VWA7: variants seen among roughly 807,000 people sequenced by gnomAD.
VWA7 encodes the protein von Willebrand factor A domain containing 7, also known as von Willebrand factor A domain-containing protein 7.
In VWA7, 66 loss-of-function variants were observed where a neutral mutation model predicts 83.1. The ratio of observed to expected loss-of-function variants is 0.79; its 90% CI spans 0.65 to 0.98. The LOEUF (loss-of-function observed/expected upper bound fraction) is 0.98, where lower values mean the gene tolerates loss of function less well. Ranked by LOEUF, VWA7 falls within the 50% of genes least tolerant of loss-of-function variation. VWA7 has a pLI of 0.00. For synonymous variants in VWA7, 424 were observed against 488.5 expected (o/e 0.87, Z 1.74); for missense variants, 1,080 against 1,160.2 (o/e 0.93, Z 1.00).
At chr6:31,774,678 T>C (rs780458327) in intron 4 of VWA7, 52 bp from the exon 5 acceptor site, 1 of 1,490,510 alleles carries the variant, frequency 6.7e-7, no homozygotes, top group South Asian at 1.2e-5. Context: ...CCCCAGCCTT[T>C]ATCCCCACCC....
rs1812445405 is a variant in VWA7, at chr6:31,773,931, G to T, written c.722-494C>A. ...GCATTTTGGGAGGCTGAGGTGGGTG[G>T]ATCACCTGAAGTCAGGAGTTTGAGA... On this transcript the variant is annotated intron_variant, in intron 5 of 16. Transcript: ENST00000375688. This position sits in a 1 kb window ranked among gnomAD's most constrained non-coding sequence, Gnocchi z 5.3. Among the ~76,000 whole-genome samples the T allele has an allele frequency of 6.6e-6, 1 of 151,972 alleles. No homozygotes were observed. Among genetic ancestry groups the T allele is most frequent in the South Asian group, 2.1e-4 (1 of 4,824 alleles).
Position 31,776,260 on chromosome 6 carries a change from C to A in VWA7, c.235-18G>T, listed in dbSNP as rs750587211. 6 of 1,603,770 alleles carry A rather than the reference C, an allele frequency of 3.7e-6. No homozygotes were observed. In the South Asian group the frequency reaches 5.5e-5, roughly 15 times the overall value. On this transcript the variant is annotated intron_variant, in intron 2 of 16. Transcript: ENST00000375688. This position sits in a 1 kb window ranked among gnomAD's most constrained non-coding sequence, Gnocchi z 6.2. ...GTTCGACCCTGGGGAGAATAGCGGG[C>A]GACGGGGCTCCAGGGAGGCCCTTTG... is the stretch of plus-strand genomic sequence containing the variant.
Position 31,773,542 on chromosome 6 carries a change from G to A in VWA7, c.722-105C>T. ...GCCTGACCCTCTCACCCCTCAGCAAGGGTTCAGCAAGAAATGATGACGGGG... is the reference window on the plus strand; with the variant it reads ...GCCTGACCCTCTCACCCCTCAGCAAAGGTTCAGCAAGAAATGATGACGGGG... On this transcript the variant is annotated intron_variant, in intron 5 of 16. Transcript: ENST00000375688. The surrounding 1 kb of genome is among the most constrained non-coding windows in gnomAD (Gnocchi z 5.3). 4.2e-6 allele frequency: 5 copies of A among 1,181,932 alleles called. No homozygotes were observed. Among genetic ancestry groups the A allele is most frequent in the Non-Finnish European group, 5.8e-6 (5 of 864,410 alleles). The allele number at this position is 1,181,932 out of a possible 1,614,324, so 73.2% of individuals were successfully genotyped here.
chr6:31,773,193 C>T lies in VWA7; in HGVS notation c.917+49G>A, dbSNP rs955449387. The T allele has an allele frequency of 5.0e-6, 8 of 1,588,766 alleles. No homozygotes were observed. Among genetic ancestry groups the T allele is most frequent in the South Asian group, 4.6e-5 (4 of 87,812 alleles). ...CCCCAGCGCCTGGTTTCTCCCTTCC[C>T]GCAGGAGCGCCTCCCCATGAAGGGG... On this transcript the variant is annotated intron_variant, in intron 6 of 16. Coordinates refer to ENST00000375688, the MANE Select transcript of VWA7 (RefSeq NM_025258.3). This position sits in a 1 kb window ranked among gnomAD's most constrained non-coding sequence, Gnocchi z 5.3.
Position 31,775,959 on chromosome 6 carries a change from C to T in VWA7, c.513+5G>A, listed in dbSNP as rs199885626. The stretch of plus-strand genomic sequence containing the variant: ...CTCTGACCATCAACCCAACCCTGTT[C>T]TCACCTGCAGGGCATGAAGTGCAGC... On this transcript the variant is annotated splice_donor_5th_base_variant and intron_variant, in intron 3 of 16. Coordinates refer to ENST00000375688, the MANE Select transcript of VWA7 (RefSeq NM_025258.3). This position sits in a 1 kb window ranked among gnomAD's most constrained non-coding sequence, Gnocchi z 5.9. The T allele has an allele frequency of 6.2e-7, 1 of 1,605,630 alleles. No homozygotes were observed. The highest frequency in any genetic ancestry group is 2.2e-5 in the East Asian group (1 of 44,772).
Position 31,769,588 on chromosome 6 carries a change from G to C in VWA7, c.1317+87C>G. On this transcript the variant is annotated intron_variant, in intron 9 of 16. Coordinates refer to ENST00000375688, the MANE Select transcript of VWA7 (RefSeq NM_025258.3). This position sits in a 1 kb window ranked among gnomAD's most constrained non-coding sequence, Gnocchi z 4.5. Reference sequence around the variant, plus strand: ...AAGGCTTGTTGGGCCACCATAGTGTGGTGCAACCCTCGTTATGAGATTGTC... The same window carrying C: ...AAGGCTTGTTGGGCCACCATAGTGTCGTGCAACCCTCGTTATGAGATTGTC... 8.0e-7 allele frequency: 1 copy of C among 1,252,498 alleles called. No homozygotes were observed. The allele number at this position is 1,252,498 out of a possible 1,614,324, so 77.6% of individuals were successfully genotyped here.
At position 31,773,076 on chromosome 6, in the gene VWA7, G is replaced by T; in HGVS notation, c.965C>A (p.Thr322Asn). 1 of 1,612,368 alleles carries T rather than the reference G, an allele frequency of 6.2e-7. No individual in the cohort carries two copies. The highest frequency in any genetic ancestry group is 8.5e-7 in the Non-Finnish European group (1 of 1,179,774). ...GATCTCCTCACCCATGCTGCCCGTG[G>T]TGTCCAGGACAAAGCTCAGGCTGGA... ...PASSLSFVLD[T>N]TGSMGEEINA... The change falls in exon 7 of 17, where the codon ACC (threonine) becomes AAC (asparagine). Residue 322 changes from threonine to asparagine, a missense_variant. By Grantham distance (65) the Thr-to-Asn change is moderately conservative. Transcript: ENST00000375688. This position sits in a 1 kb window ranked among gnomAD's most constrained non-coding sequence, Gnocchi z 5.3.
At position 31,766,519 on chromosome 6, in the gene VWA7, G is replaced by T; in HGVS notation, c.2128C>A (p.Arg710=). Reference sequence around the variant, plus strand: ...TGAGGGGCAGCCCTGTGCAGGCGCCGCCCCGCTGCGTCCTGGCCAATCAGC... The same window carrying T: ...TGAGGGGCAGCCCTGTGCAGGCGCCTCCCCGCTGCGTCCTGGCCAATCAGC... ...LELIGQDAAG[R]RLHRAAPQPS... The change falls in exon 14 of 17, where the codon CGG becomes AGG. Residue 710 remains arginine (R), a synonymous_variant. Coordinates refer to ENST00000375688, the MANE Select transcript of VWA7 (RefSeq NM_025258.3). This position sits in a 1 kb window ranked among gnomAD's most constrained non-coding sequence, Gnocchi z 4.9. 1 of 1,608,388 alleles carries T rather than the reference G, an allele frequency of 6.2e-7. No individual in the cohort carries two copies.
chr6:31,767,797 G>T, intron 10 of VWA7, 43 bp from the exon 11 acceptor site: 2 of 1,578,938 alleles, frequency 1.3e-6, no homozygotes, highest in South Asian at 2.2e-5. Flanking sequence ...AGAAGATGAG[G>T]TATGGGATGA....
chr6:31,776,885 C>G lies in VWA7; in HGVS notation c.-15-91G>C, dbSNP rs1388773421. The G allele has an allele frequency of 1.4e-6, 1 of 720,928 alleles. No individual in the cohort carries two copies. Among genetic ancestry groups the G allele is most frequent in the Non-Finnish European group, 2.1e-6 (1 of 480,016 alleles). The allele number at this position is 720,928 out of a possible 1,614,324, so 44.7% of individuals were successfully genotyped here. A position where few individuals can be genotyped will look rare whatever the true frequency, so the allele number is the denominator to read the frequency against. ...GGGTCTCCATGGGAACCTGCTTTAC[C>G]TCAAAAGTCGTGTCTGCTCCAGCCT... is the stretch of plus-strand genomic sequence containing the variant. On this transcript the variant is annotated intron_variant, in intron 1 of 16. Transcript: ENST00000375688. The surrounding 1 kb of genome is among the most constrained non-coding windows in gnomAD (Gnocchi z 6.2).
At chr6:31,767,130 TGGGTGG>T in intron 13 of VWA7, 22 bp downstream of exon 13, 1 of 886,132 alleles carries the variant, frequency 1.1e-6, no homozygotes, top group Non-Finnish European at 1.6e-6. Flanking sequence ...GGGGGTTAGG[TGGGTGG>T]GGGCTCAGGG....
chr6:31,776,702 T>A lies in VWA7; in HGVS notation c.78A>T (p.Thr26=). ...TCCAGATGTTGGGGAAGAAGGCAGA[T>A]GTGGGGGGCAGCAACAGCTGCAGCA... ...LLLLQLLLPP[T]SAFFPNIWSL... Residue 26 remains threonine (T), a synonymous_variant, in exon 2 of 17, where the codon ACA becomes ACT. Transcript: ENST00000375688. The surrounding 1 kb of genome is among the most constrained non-coding windows in gnomAD (Gnocchi z 6.2). 3 of 1,503,490 alleles carry A rather than the reference T, an allele frequency of 2.0e-6. No individual in the cohort carries two copies. The highest frequency in any genetic ancestry group is 1.8e-6 in the Non-Finnish European group (2 of 1,121,648). 93.1% of individuals were successfully genotyped at this position (1,503,490 alleles called of 1,614,324 possible). A position where few individuals can be genotyped will look rare whatever the true frequency, so the allele number is the denominator to read the frequency against.
rs551080511 is a variant in VWA7, at chr6:31,767,667, G to A, written c.1591C>T (p.Arg531Trp). Residue 531 changes from arginine (R) to tryptophan (W), a missense_variant, in exon 11 of 17, where the codon CGG (arginine) becomes TGG (tryptophan). By Grantham distance (101) the Arg-to-Trp change is moderately radical. Coordinates refer to ENST00000375688, the MANE Select transcript of VWA7 (RefSeq NM_025258.3). ...AAGCTGCTGATGTCTCCGTGGATCCGGACTGTGATCTTCTGGAGCAGCCCA... is the reference window on the plus strand; with the variant it reads ...AAGCTGCTGATGTCTCCGTGGATCCAGACTGTGATCTTCTGGAGCAGCCCA... ...VDGLLQKITV[R>W]IHGDISSFWI... 9 of 1,613,696 alleles carry A rather than the reference G, an allele frequency of 5.6e-6. No homozygotes were observed. The highest frequency in any genetic ancestry group is 2.2e-5 in the East Asian group (1 of 44,856).
Position 31,773,259 on chromosome 6 carries a change from T to C in VWA7, c.900A>G (p.Gly300=), listed in dbSNP as rs532069939. The change falls in exon 6 of 17, where the codon GGA becomes GGG. Residue 300 remains glycine, a synonymous_variant. Transcript: ENST00000375688. This position sits in a 1 kb window ranked among gnomAD's most constrained non-coding sequence, Gnocchi z 5.3. ...QAFSLLRSRL[G]DRDFSRLLDI... is the part of the protein sequence containing the mutation. ...CCACTCACCTGGAGAAATCCCTGTC[T>C]CCCAGGCGGCTTCGCAGAAGGCTGA... is the stretch of plus-strand genomic sequence containing the variant. 1 of 1,604,820 alleles carries C rather than the reference T, an allele frequency of 6.2e-7. No individual in the cohort carries two copies. Among genetic ancestry groups the C allele is most frequent in the South Asian group, 1.1e-5 (1 of 89,340 alleles).
In VWA7 at chr6:31,766,517, C is replaced by G. The variant is rs1214640562; in HGVS notation, c.2130G>C (p.Arg710=). 6.2e-7 allele frequency: 1 copy of G among 1,607,948 alleles called. No homozygotes were observed. The highest frequency in any genetic ancestry group is 8.5e-7 in the Non-Finnish European group (1 of 1,176,794). The change falls in exon 14 of 17, where the codon CGG becomes CGC. Residue 710 remains arginine, a synonymous_variant. Transcript: ENST00000375688. The surrounding 1 kb of genome is among the most constrained non-coding windows in gnomAD (Gnocchi z 4.9). ...GCTGAGGGGCAGCCCTGTGCAGGCG[C>G]CGCCCCGCTGCGTCCTGGCCAATCA... ...LELIGQDAAG[R]RLHRAAPQPS...
In VWA7 at chr6:31,776,390, G is replaced by T; in HGVS notation, c.235-148C>A. ...CAGTCCCGGACCTTTCTAAGGAGGGGGACTCCTAATTTCAGGACCAAGACT... is the reference window on the plus strand; with the variant it reads ...CAGTCCCGGACCTTTCTAAGGAGGGTGACTCCTAATTTCAGGACCAAGACT... On this transcript the variant is annotated intron_variant, in intron 2 of 16. Transcript: ENST00000375688. This position sits in a 1 kb window ranked among gnomAD's most constrained non-coding sequence, Gnocchi z 6.2. 1 of 1,289,824 alleles carries T rather than the reference G, an allele frequency of 7.8e-7. No individual in the cohort carries two copies. Among genetic ancestry groups the T allele is most frequent in the South Asian group, 1.5e-5 (1 of 67,020 alleles). 79.9% of individuals were successfully genotyped at this position (1,289,824 alleles called of 1,614,324 possible). A position where few individuals can be genotyped will look rare whatever the true frequency, so the allele number is the denominator to read the frequency against.
At position 31,770,111 on chromosome 6, in the gene VWA7, A is replaced by T. The variant is rs892124527; in HGVS notation, c.1090T>A (p.Phe364Ile). 4 of 1,612,562 alleles carry T rather than the reference A, an allele frequency of 2.5e-6. No individual in the cohort carries two copies. The highest frequency in any genetic ancestry group is 3.3e-5 in the Admixed American group (2 of 59,976). Residue 364 changes from phenylalanine (F) to isoleucine (I), a missense_variant and splice_region_variant, in exon 8 of 17, where the codon TTC becomes ATC. Coordinates refer to ENST00000375688, the MANE Select transcript of VWA7 (RefSeq NM_025258.3). Reference protein sequence around the residue: ...YVLVPFHDPGFGPVFTTSDPD... With the variant: ...YVLVPFHDPGIGPVFTTSDPD... The stretch of plus-strand genomic sequence containing the variant: ...TCACTGGTTGTAAAGACAGGGCCGA[A>T]CCCTGGGAAGGGGAAAGGAGGTTAA...
At position 31,769,997 on chromosome 6, in the gene VWA7, A is replaced by C; in HGVS notation, c.1200+4T>G. ...GGAAACGGGGAAGAAGGGAGGGGCC[A>C]GACCTGCAGGGCTGACAGGCACATC... On this transcript the variant is annotated splice_donor_region_variant and intron_variant, in intron 8 of 16. Transcript: ENST00000375688. This position sits in a 1 kb window ranked among gnomAD's most constrained non-coding sequence, Gnocchi z 4.5. 1 of 1,612,646 alleles carries C rather than the reference A, an allele frequency of 6.2e-7. No individual in the cohort carries two copies. Among genetic ancestry groups the C allele is most frequent in the South Asian group, 1.1e-5 (1 of 91,054 alleles).
At position 31,775,596 on chromosome 6, in the gene VWA7, C is replaced by T. The variant is rs1242135285; in HGVS notation, c.514-167G>A. 6.6e-6 allele frequency among the ~76,000 whole-genome samples: 1 copy of T among 151,912 alleles called. No individual in the cohort carries two copies. The highest frequency in any genetic ancestry group is 6.6e-5 in the Admixed American group (1 of 15,258). On this transcript the variant is annotated intron_variant, in intron 3 of 16. Transcript: ENST00000375688. The surrounding 1 kb of genome is among the most constrained non-coding windows in gnomAD (Gnocchi z 5.9). ...CCCCTCCACTGCCCTCTCTCCATTG[C>T]TCAGAGCAGAGCTTTGCCCAGGTGG...
Sources: allele counts gnomAD v4.1 joint callset (sites outside exome capture counted in the v4.1 genomes callset), GRCh38; gene constraint gnomAD v4.1.1; non-coding constraint Gnocchi (gnomAD v3.1); transcripts MANE v1.5; gene names NCBI Gene and HGNC (gene_info 2026-07-23, HGNC 2026-07-21).